The following CPNE2 variants were observed in gnomAD, a reference collection of about 807,000 sequenced individuals.
The protein encoded by CPNE2 is copine-2.
Under a neutral mutation model 69.7 loss-of-function variants are expected in CPNE2, and 42 were observed. That is an observed-to-expected ratio of 0.60 (90% confidence interval 0.47 to 0.78). The LOEUF (loss-of-function observed/expected upper bound fraction) is 0.78. Ranked by LOEUF, CPNE2 falls within the 30% of genes least tolerant of loss-of-function variation. The pLI, the probability that CPNE2 is intolerant of heterozygous loss-of-function variation, is 0.00. For missense variants in CPNE2, 587 were observed against 732.0 expected (o/e 0.80, Z 2.29); for synonymous variants, 294 against 289.8 (o/e 1.01, Z -0.15).
At chr16:57,136,841 G>T (rs1479568204) in intron 13 of CPNE2, among the ~76,000 whole-genome samples, 1 of 152,134 alleles carries the variant, frequency 6.6e-6, no homozygotes, top group East Asian at 1.9e-4. Context: ...TTGAACCTGG[G>T]GGGTGGAGGT....
At chr16:57,124,102 G>C (rs564715961) in intron 10 of CPNE2, 1 of 152,516 alleles carries the variant, frequency 6.6e-6, no homozygotes, top group South Asian at 1.8e-4. Flanking sequence ...TTTTTTTTGA[G>C]ACAGCGTCTC....
Position 57,138,021 on chromosome 16 carries a change from C to T in CPNE2, c.1302+739C>T, listed in dbSNP as rs188868979. Among the ~76,000 whole-genome samples the T allele has an allele frequency of 2.8e-4, 42 of 152,300 alleles. No individual in the cohort carries two copies. In the East Asian group the frequency reaches 7.7e-3, roughly 28 times the overall value. On this transcript the variant is annotated intron_variant, in intron 14 of 15. Coordinates refer to ENST00000290776, the MANE Select transcript of CPNE2 (RefSeq NM_152727.6). ...GATGTCCCTTCTGCCTTCTCCTGACCTTGGGGACCTGACTGACCTATGCCC... is the reference window on the plus strand; with the variant it reads ...GATGTCCCTTCTGCCTTCTCCTGACTTTGGGGACCTGACTGACCTATGCCC...
chr16:57,107,961 C>G (rs145797633), intron 1 of CPNE2, among the ~76,000 whole-genome samples: 4,836 of 151,516 alleles, frequency 0.032, 249 homozygotes, highest in African/African-American at 0.11. Flanking sequence ...ATCTCCACCT[C>G]CTGGGTTCAA....
chr16:57,101,932 C>A (rs1338429417), intron 1 of CPNE2, among the ~76,000 whole-genome samples: 1 of 151,714 alleles, frequency 6.6e-6, no homozygotes, highest in African/African-American at 2.4e-5. Flanking sequence ...GTGGGCCCAG[C>A]GTGCTGCATT....
intron 1 of CPNE2, among the ~76,000 whole-genome samples, chr16:57,102,452 A>G (rs2069620631): frequency 2.0e-5 from 3 of 151,766 alleles, no homozygotes; most frequent in Non-Finnish European, 4.4e-5. Context: ...CACCTCGAAG[A>G]CCTTGAGGGC....
intron 3 of CPNE2, among the ~76,000 whole-genome samples, chr16:57,114,551 A>G (rs1192207824): frequency 6.6e-6 from 1 of 152,192 alleles, no homozygotes; most frequent in Non-Finnish European, 1.5e-5. Context: ...TCCCCAGGGC[A>G]CAGAGCAGGT....
chr16:57,146,448 C>G lies in CPNE2; in HGVS notation c.1539+127C>G. 1 of 827,882 alleles carries G rather than the reference C, an allele frequency of 1.2e-6. No individual in the cohort carries two copies. Among genetic ancestry groups the G allele is most frequent in the Non-Finnish European group, 1.9e-6 (1 of 536,574 alleles). 51.3% of individuals were successfully genotyped at this position (827,882 alleles called of 1,614,324 possible). A position where few individuals can be genotyped will look rare whatever the true frequency, so the allele number is the denominator to read the frequency against. On this transcript the variant is annotated intron_variant, in intron 15 of 15. Transcript: ENST00000290776. The surrounding 1 kb of genome is among the most constrained non-coding windows in gnomAD (Gnocchi z 4.4). ...ACTTCTCCACTCCATTGACTATGCT[C>G]TTCTGAGGGCCTGCCATGTGCCAGG...
rs191800006 is a variant in CPNE2 at position 57,096,245 on chromosome 16, G to A, written c.-36+3455G>A. 5.3e-5 allele frequency among the ~76,000 whole-genome samples: 8 copies of A among 152,328 alleles called. No homozygotes were observed. The East Asian group carries it at 1.2e-3, about 22-fold the overall frequency. On this transcript the variant is annotated intron_variant, in intron 1 of 15. Transcript: ENST00000290776. ...TTGCTGACAGCTGGATTTCAAACTT[G>A]TAGCCTACAGAACTGTGAGAGAATC...
intron 14 of CPNE2, among the ~76,000 whole-genome samples, chr16:57,137,844 C>A (rs1175114787): frequency 3.3e-5 from 5 of 152,360 alleles, no homozygotes; most frequent in African/African-American, 1.2e-4. Flanking sequence ...AGGCTGGCTC[C>A]CAGGCAGGCC....
intron 12 of CPNE2, among the ~76,000 whole-genome samples, chr16:57,133,998 C>T (rs1342247026): frequency 2.0e-5 from 3 of 152,154 alleles, no homozygotes; most frequent in African/African-American, 7.2e-5. Context: ...CAGCGTCTCC[C>T]GAGGCCTTGG....
At position 57,125,566 on chromosome 16, in the gene CPNE2, A is replaced by AT. The variant is rs1170964238; in HGVS notation, c.928-293dup. 60 of 446,296 alleles carry AT rather than the reference A, an allele frequency of 1.3e-4. No individual in the cohort carries two copies. In the East Asian group the frequency reaches 2.8e-3, roughly 21 times the overall value. The allele number at this position is 446,296 out of a possible 1,614,324, so 27.6% of individuals were successfully genotyped here. ...AATGCCTGCATATGGGAACAGATGA[A>AT]TGTGTGGATAGGGATAGTAAGGAGA... On this transcript the variant is annotated intron_variant, in intron 10 of 15. Transcript: ENST00000290776.
rs1326760166 is a variant in CPNE2 at position 57,147,763 on chromosome 16, CTTTT to C, written c.*108_*111del. On this transcript the variant is annotated 3_prime_UTR_variant, in exon 16 of 16. Transcript: ENST00000290776. ...TGGGTGGCCTTTTTTTACCGATCCCCTTTTTTATTTTTTACAACCGGACCTCCAC... is the reference window on the plus strand; with the variant it reads ...TGGGTGGCCTTTTTTTACCGATCCCCTTATTTTTTACAACCGGACCTCCAC... The C allele has an allele frequency of 7.4e-6, 5 of 671,758 alleles. No homozygotes were observed. In the African/African-American group the frequency reaches 9.2e-5, roughly 12 times the overall value. 41.6% of individuals were successfully genotyped at this position (671,758 alleles called of 1,614,324 possible). A position where few individuals can be genotyped will look rare whatever the true frequency, so the allele number is the denominator to read the frequency against.
chr16:57,110,401 A>AT, intron 1 of CPNE2: 1 of 159,074 alleles, frequency 6.3e-6, no homozygotes, highest in Non-Finnish European at 1.4e-5. Flanking sequence ...ATTTTTAAAT[A>AT]TTTTTTGCAG....
chr16:57,128,249 A>G (rs1363672559), intron 12 of CPNE2, among the ~76,000 whole-genome samples: 1 of 152,130 alleles, frequency 6.6e-6, no homozygotes, highest in African/African-American at 2.4e-5. Context: ...ATTTATTTAG[A>G]GACAGAGTCT....
rs140720306 is a variant in CPNE2 at position 57,102,079 on chromosome 16, C to T, written c.-35-8629C>T. ...CCCCCCATCTCAGCCTCCCAAGTAC[C>T]TGGGACTACAGGCACATGCCACCAT... On this transcript the variant is annotated intron_variant, in intron 1 of 15. Transcript: ENST00000290776. 6.8e-3 allele frequency among the ~76,000 whole-genome samples: 1,036 copies of T among 152,094 alleles called. 13 individuals carry two copies. The highest frequency in any genetic ancestry group is 0.024 in the African/African-American group (1,000 of 41,480).
intron 2 of CPNE2, among the ~76,000 whole-genome samples, chr16:57,112,349 C>T (rs1488601223): frequency 2.6e-5 from 4 of 152,136 alleles, no homozygotes; most frequent in Non-Finnish European, 5.9e-5. Context: ...AGTTCCCTTC[C>T]ACCAGGTCTC....
intron 1 of CPNE2, among the ~76,000 whole-genome samples, chr16:57,099,213 T>C (rs1437954937): frequency 6.6e-6 from 1 of 152,210 alleles, no homozygotes; most frequent in African/African-American, 2.4e-5. Flanking sequence ...TAGGATGACA[T>C]ACTCCTTTCT....
At chr16:57,114,801 A>C (rs2069705997) in intron 3 of CPNE2, among the ~76,000 whole-genome samples, 1 of 129,256 alleles carries the variant, frequency 7.7e-6, no homozygotes, top group Admixed American at 7.6e-5. Context: ...GAAACCAATA[A>C]AAATAGAAAG....
At chr16:57,111,114 G>T (rs200443483) in intron 2 of CPNE2, among the ~76,000 whole-genome samples, 192 bp downstream of exon 2, 1 of 32,564 alleles carries the variant, frequency 3.1e-5, no homozygotes, top group Non-Finnish European at 5.1e-5. Context: ...ATATTACTTT[G>T]TGTTTAAATT....
Sources: gnomAD v4.1 joint callset for allele counts (sites outside exome capture counted in the v4.1 genomes callset) on GRCh38, gnomAD v4.1.1 for gene constraint, Gnocchi (gnomAD v3.1) non-coding constraint, MANE v1.5 for transcripts, NCBI Gene and HGNC (gene_info 2026-07-23, HGNC 2026-07-21) for gene names.